DIS3L2: variants seen among roughly 807,000 people sequenced by gnomAD.
The protein encoded by DIS3L2 is DIS3 like 3'-5' exoribonuclease 2, also known as DIS3-like exonuclease 2.
DIS3L2 carries 34 observed loss-of-function variants against 97.5 expected under a neutral mutation model. The observed-to-expected ratio is 0.35, with a 90% CI of 0.27 to 0.46. The LOEUF (loss-of-function observed/expected upper bound fraction) is 0.46. DIS3L2 is among the 20% of genes least tolerant of loss of function. DIS3L2 has a pLI of 1.00. For missense variants in DIS3L2, 1,038 were observed against 1,146.0 expected (o/e 0.91, Z 1.36); for synonymous variants, 435 against 445.2 (o/e 0.98, Z 0.29).
intron 8 of DIS3L2, among the ~76,000 whole-genome samples, chr2:232,156,304 TG>T (rs1338680773): frequency 6.6e-6 from 1 of 152,202 alleles, no homozygotes; most frequent in Non-Finnish European, 1.5e-5. Flanking sequence ...ACCTAGTTTT[TG>T]TTTCCTTTCA....
At chr2:232,329,785 T>TCCCCGGGGGGGGGCCCC in intron 14 of DIS3L2, 28 bp from the exon 15 acceptor site, 74 of 967,030 alleles carry the variant, frequency 7.7e-5, no homozygotes, top group Admixed American at 1.0e-4. Flanking sequence ...ACCCCAGCGG[T>TCCCCGGGGGGGGGCCCC]CCCTCCCATC....
Position 232,174,043 on chromosome 2 carries a change from C to G in DIS3L2, c.1124+10411C>G, listed in dbSNP as rs139151253. 4.0e-4 allele frequency among the ~76,000 whole-genome samples: 61 copies of G among 152,288 alleles called. 1 individual carries two copies. Among genetic ancestry groups the G allele is most frequent in the African/African-American group, 1.4e-3 (59 of 41,558 alleles). The stretch of plus-strand genomic sequence containing the variant: ...TTTGGGGAGCATTTCCATCTTAACA[C>G]TGTTAAGTCTTCCAACCTATGAACA... On this transcript the variant is annotated intron_variant, in intron 9 of 20. Coordinates refer to ENST00000325385, the MANE Select transcript of DIS3L2 (RefSeq NM_152383.5).
intron 8 of DIS3L2, among the ~76,000 whole-genome samples, chr2:232,143,964 A>G (rs1038020641): frequency 2.6e-5 from 4 of 152,146 alleles, no homozygotes; most frequent in African/African-American, 4.8e-5. Context: ...TTTACAAAAT[A>G]CCGTGTTATA....
intron 8 of DIS3L2, among the ~76,000 whole-genome samples, chr2:232,159,964 A>C (rs887463576): frequency 6.6e-6 from 1 of 152,172 alleles, no homozygotes; most frequent in Non-Finnish European, 1.5e-5. Context: ...ATGATGTATC[A>C]CCTTTTTTAT....
At chr2:232,251,931 C>T (rs577846265) in intron 12 of DIS3L2, among the ~76,000 whole-genome samples, 9 of 152,294 alleles carry the variant, frequency 5.9e-5, no homozygotes, top group African/African-American at 2.2e-4. Flanking sequence ...AGATGTGCTT[C>T]ACCAAAATGA....
At chr2:232,158,952 A>G (rs1354411974) in intron 8 of DIS3L2, among the ~76,000 whole-genome samples, 1 of 152,218 alleles carries the variant, frequency 6.6e-6, no homozygotes, top group East Asian at 1.9e-4. Flanking sequence ...ACAGTGTTGA[A>G]TTCCTGTGTC....
chr2:232,026,575 A>G (rs541164084), intron 4 of DIS3L2, among the ~76,000 whole-genome samples: 4 of 152,064 alleles, frequency 2.6e-5, no homozygotes, highest in South Asian at 2.1e-4. Flanking sequence ...AAGTGCCTGT[A>G]TATGTCCTGG....
At chr2:232,127,722 G>A (rs1698104712) in intron 6 of DIS3L2, among the ~76,000 whole-genome samples, 1 of 152,142 alleles carries the variant, frequency 6.6e-6, no homozygotes, top group Non-Finnish European at 1.5e-5. Flanking sequence ...TGCTCACTGT[G>A]CTCCAGCCAT....
intron 14 of DIS3L2, among the ~76,000 whole-genome samples, chr2:232,323,436 G>A (rs1426711777): frequency 2.6e-5 from 4 of 152,166 alleles, no homozygotes; most frequent in Admixed American, 6.5e-5. Context: ...TCTAGCCTCT[G>A]GGGACTTCCT....
At chr2:232,059,295 A>G (rs939486803) in intron 5 of DIS3L2, among the ~76,000 whole-genome samples, 2 of 152,196 alleles carry the variant, frequency 1.3e-5, no homozygotes, top group African/African-American at 2.4e-5. Flanking sequence ...TTCAAATAAA[A>G]CAATATGAAA....
rs543398136 is a variant in DIS3L2 at position 232,206,886 on chromosome 2, C to T, written c.1125-3440C>T. Among the ~76,000 whole-genome samples, 13 of 152,260 alleles carry T rather than the reference C, an allele frequency of 8.5e-5. No individual in the cohort carries two copies. The South Asian group carries it at 1.7e-3, about 19-fold the overall frequency. ...ATTTACAAACTAACAAAGTCTTACA[C>T]GGTCACATATGGTGGGATCAACTTC... is the stretch of plus-strand genomic sequence containing the variant. On this transcript the variant is annotated intron_variant, in intron 9 of 20. Transcript: ENST00000325385.
intron 6 of DIS3L2, among the ~76,000 whole-genome samples, chr2:232,095,114 CTG>C (rs1251966519): frequency 6.6e-6 from 1 of 152,134 alleles, no homozygotes; most frequent in African/African-American, 2.4e-5. Context: ...TTCAGCCACT[CTG>C]TGTCTTTGTA....
chr2:232,250,978 T>G (rs1209046849), intron 12 of DIS3L2, among the ~76,000 whole-genome samples: 2 of 152,190 alleles, frequency 1.3e-5, no homozygotes, highest in African/African-American at 4.8e-5. Flanking sequence ...ACCCGCACAA[T>G]CAGAGCTTTT....
chr2:232,148,479 C>T lies in DIS3L2; in HGVS notation c.950+11760C>T, dbSNP rs187814621. Among the ~76,000 whole-genome samples, 344 of 152,132 alleles carry T rather than the reference C, an allele frequency of 2.3e-3. 1 individual carries two copies. The highest frequency in any genetic ancestry group is 4.2e-3 in the Non-Finnish European group (286 of 68,008). ...GTAAAATAGATCTCCAATGAAAGTC[C>T]GTAATAAATTTATTTAAATAAGGAA... On this transcript the variant is annotated intron_variant, in intron 8 of 20. Transcript: ENST00000325385.
chr2:231,970,520 A>G (rs1692874541), intron 1 of DIS3L2, among the ~76,000 whole-genome samples: 1 of 152,214 alleles, frequency 6.6e-6, no homozygotes, highest in Non-Finnish European at 1.5e-5. Flanking sequence ...GTATTTATGT[A>G]TCTAGATGTA....
chr2:232,181,557 A>G (rs1219984970), intron 9 of DIS3L2, among the ~76,000 whole-genome samples: 3 of 151,618 alleles, frequency 2.0e-5, no homozygotes, highest in African/African-American at 4.8e-5. Context: ...GCTTCATTTC[A>G]TTCACTTCAT....
At chr2:232,114,228 C>T (rs564262911) in intron 6 of DIS3L2, among the ~76,000 whole-genome samples, 5 of 151,412 alleles carry the variant, frequency 3.3e-5, no homozygotes, top group Non-Finnish European at 7.4e-5. Context: ...CCCCCCACCC[C>T]AAAGACTAGA....
intron 16 of DIS3L2, among the ~76,000 whole-genome samples, chr2:232,331,378 G>A (rs558907781): frequency 6.6e-6 from 1 of 152,304 alleles, no homozygotes; most frequent in African/African-American, 2.4e-5. Context: ...ATGCTGATGG[G>A]TCGGCTCTGG....
In DIS3L2 at chr2:232,249,241, G is replaced by A; in HGVS notation, c.1320G>A (p.Val440=). ...RATSVYLVQK[V]VPMLPRLLCE... ...ATGGGCCTGTGCTCTATTTACAGGTGGTCCCCATGCTTCCCAGGCTGCTGT... is the reference window on the plus strand; with the variant it reads ...ATGGGCCTGTGCTCTATTTACAGGTAGTCCCCATGCTTCCCAGGCTGCTGT... Residue 440 remains valine (V), a splice_region_variant and synonymous_variant, in exon 12 of 21, where the codon GTG becomes GTA. Transcript: ENST00000325385. 6.2e-7 allele frequency: 1 copy of A among 1,613,720 alleles called. No homozygotes were observed. Among genetic ancestry groups the A allele is most frequent in the Non-Finnish European group, 8.5e-7 (1 of 1,179,974 alleles).
Sources: allele counts gnomAD v4.1 joint callset (sites outside exome capture counted in the v4.1 genomes callset), GRCh38; gene constraint gnomAD v4.1.1; transcripts MANE v1.5; gene names NCBI Gene and HGNC (gene_info 2026-07-23, HGNC 2026-07-21).